Variants in ERC1 observed in about 807,000 individuals in gnomAD.
ERC1 encodes the protein ELKS/RAB6-interacting/CAST family member 1.
A neutral mutation model predicts 132.0 loss-of-function variants in ERC1; 56 were observed. The observed-to-expected ratio is 0.42, with a 90% CI of 0.34 to 0.53. The LOEUF is 0.53. Among genes scored for constraint, ERC1 ranks in the 20% least tolerant of loss-of-function variants. The pLI is 0.03. For missense variants in ERC1, 1,202 were observed against 1,349.9 expected (o/e 0.89, Z 1.72); for synonymous variants, 478 against 476.1 (o/e 1.00, Z -0.05).
chr12:1,407,354 T>C (rs2091564988), intron 16 of ERC1, among the ~76,000 whole-genome samples: 2 of 152,046 alleles, frequency 1.3e-5, no homozygotes, highest in South Asian at 4.1e-4. Flanking sequence ...TTGTAATAGT[T>C]GTTCAATTGA....
At chr12:1,138,198 T>C (rs1949511688) in intron 7 of ERC1, among the ~76,000 whole-genome samples, 4 of 112,290 alleles carry the variant, frequency 3.6e-5, no homozygotes, top group Non-Finnish European at 6.9e-5. Context: ...TATATAATTA[T>C]ATATGATATA....
At chr12:1,424,824 TAGATAGATAGATAGATAGATGATAGATA>T (rs1565410508) in intron 17 of ERC1, among the ~76,000 whole-genome samples, 1 of 140,090 alleles carries the variant, frequency 7.1e-6, no homozygotes, top group African/African-American at 2.8e-5. Context: ...GATAGATAGA[TAGATAGATAGATAGATAGATGATAGATA>T]GATAGATAGA....
rs917550538 is a variant in ERC1, at chr12:1,440,247, C to T, written c.3025-4315C>T. On this transcript the variant is annotated intron_variant, in intron 17 of 18. Coordinates refer to ENST00000360905, the MANE Select transcript of ERC1 (RefSeq NM_178040.4). ...TGAGACAGAGTCTTGCTCTGTCGCC[C>T]AGGCTGGAGTGCAGTGGTGCCATCT... Among the ~76,000 whole-genome samples, 18 of 144,734 alleles carry T rather than the reference C, an allele frequency of 1.2e-4. No individual in the cohort carries two copies. In the South Asian group the frequency reaches 2.2e-3, roughly 18 times the overall value. The allele number at this position is 144,734 out of a possible 152,430, so 95.0% of individuals were successfully genotyped here. A position where few individuals can be genotyped will look rare whatever the true frequency, so the allele number is the denominator to read the frequency against.
intron 15 of ERC1, among the ~76,000 whole-genome samples, chr12:1,319,584 AGT>A (rs1313896636): frequency 6.6e-6 from 1 of 152,242 alleles, no homozygotes. Context: ...ATAGCTGGTC[AGT>A]CCCATAAATT....
At position 1,212,022 on chromosome 12, in the gene ERC1, A is replaced by G. The variant is rs113076353; in HGVS notation, c.2351+21970A>G. On this transcript the variant is annotated intron_variant, in intron 12 of 18. Transcript: ENST00000360905. ...CAGTAGAGTAAGTTGATTCTTTCCT[A>G]CATTACTGCAAAAGCTATCTAATGC... 3.7e-3 allele frequency among the ~76,000 whole-genome samples: 566 copies of G among 152,292 alleles called. 1 individual carries two copies. Among genetic ancestry groups the G allele is most frequent in the African/African-American group, 0.013 (531 of 41,552 alleles).
At chr12:1,411,903 T>C (rs2091874321) in intron 17 of ERC1, among the ~76,000 whole-genome samples, 1 of 151,612 alleles carries the variant, frequency 6.6e-6, no homozygotes, top group Non-Finnish European at 1.5e-5. Context: ...GACTAGAAAG[T>C]AAGCAAATCA....
intron 7 of ERC1, among the ~76,000 whole-genome samples, chr12:1,128,720 TA>T (rs1189401363): frequency 1.3e-5 from 2 of 152,086 alleles, no homozygotes; most frequent in Non-Finnish European, 2.9e-5. Context: ...TTATAATTAA[TA>T]AATGCATAAA....
chr12:1,161,555 T>C (rs916911449), intron 8 of ERC1, among the ~76,000 whole-genome samples: 17 of 152,222 alleles, frequency 1.1e-4, no homozygotes, highest in Admixed American at 1.1e-3. Flanking sequence ...AAAATTACAG[T>C]GAATGTAGTC....
At chr12:1,043,315 T>C (rs1970577730) in intron 2 of ERC1, among the ~76,000 whole-genome samples, 1 of 152,216 alleles carries the variant, frequency 6.6e-6, no homozygotes, top group African/African-American at 2.4e-5. Context: ...AGTGCTGAGA[T>C]TACAGGCATG....
chr12:1,000,508 C>T (rs982326633), intron 1 of ERC1, among the ~76,000 whole-genome samples: 1 of 151,420 alleles, frequency 6.6e-6, no homozygotes, highest in Non-Finnish European at 1.5e-5. Context: ...AAAAATAACC[C>T]AATGGGATGA....
chr12:1,464,243 T>C (rs1202187946), intron 18 of ERC1, among the ~76,000 whole-genome samples: 2 of 152,168 alleles, frequency 1.3e-5, no homozygotes, highest in Non-Finnish European at 2.9e-5. Context: ...AGAGAAAATA[T>C]TAGGAGACCT....
rs1477365626 is a variant in ERC1 at position 1,400,953 on chromosome 12, T to TTTTTTTG, written c.2926-7196_2926-7195insTTTTTTG. On this transcript the variant is annotated intron_variant, in intron 16 of 18. Transcript: ENST00000360905. ...TTTTTTTTTTTTTTTTTTTTTTTTTTGTGACGGAGTCTTGCTCTATCGCCC... is the reference window on the plus strand; with the variant it reads ...TTTTTTTTTTTTTTTTTTTTTTTTTTTTTTTTGGTGACGGAGTCTTGCTCTATCGCCC... Among the ~76,000 whole-genome samples the TTTTTTTG allele has an allele frequency of 1.5e-4, 14 of 90,336 alleles. 1 individual carries two copies. Among genetic ancestry groups the TTTTTTTG allele is most frequent in the Admixed American group, 2.4e-4 (2 of 8,278 alleles). The allele number at this position is 90,336 out of a possible 152,430, so 59.3% of individuals were successfully genotyped here.
In ERC1 at chr12:1,303,178, C is replaced by T. The variant is rs1375266028; in HGVS notation, c.2780+13166C>T. On this transcript the variant is annotated intron_variant, in intron 15 of 18. Coordinates refer to ENST00000360905, the MANE Select transcript of ERC1 (RefSeq NM_178040.4). ...AGCAGAGTGGTGGTTGCTGAAGGTT[C>T]GGGTAGCTGTAGCAATTTCTTAAAA... 2.0e-5 allele frequency among the ~76,000 whole-genome samples: 3 copies of T among 152,208 alleles called. No homozygotes were observed. The East Asian group carries it at 5.8e-4, about 29-fold the overall frequency.
chr12:1,007,486 CTCTCTCTT>C (rs1472129942), intron 1 of ERC1, among the ~76,000 whole-genome samples: 2 of 136,332 alleles, frequency 1.5e-5, no homozygotes, highest in African/African-American at 3.2e-5. Context: ...CTCTCTCTCT[CTCTCTCTT>C]TCTCTCTCTC....
intron 17 of ERC1, among the ~76,000 whole-genome samples, chr12:1,442,885 T>C (rs1268519631): frequency 6.6e-6 from 1 of 152,166 alleles, no homozygotes; most frequent in Admixed American, 6.5e-5. Flanking sequence ...ATTTCCAAAA[T>C]GTTACAAATG....
chr12:1,228,243 TAAC>T (rs979146296), intron 12 of ERC1, among the ~76,000 whole-genome samples: 1 of 152,248 alleles, frequency 6.6e-6, no homozygotes, highest in African/African-American at 2.4e-5. Flanking sequence ...ATGGACATTT[TAAC>T]AACATTAATT....
At chr12:1,192,933 T>C (rs374647770) in intron 12 of ERC1, among the ~76,000 whole-genome samples, 1 of 152,212 alleles carries the variant, frequency 6.6e-6, no homozygotes, top group South Asian at 2.1e-4. Context: ...TTTTACTCTT[T>C]AAATAGTTCC....
chr12:996,857 C>T (rs531816938), intron 1 of ERC1, among the ~76,000 whole-genome samples: 12 of 152,094 alleles, frequency 7.9e-5, no homozygotes, highest in Non-Finnish European at 1.5e-4. Flanking sequence ...TAGGACATTA[C>T]CTATTCTAAA....
chr12:1,066,997 G>A (rs1023275041), intron 2 of ERC1, among the ~76,000 whole-genome samples: 1 of 151,920 alleles, frequency 6.6e-6, no homozygotes, highest in Non-Finnish European at 1.5e-5. Context: ...TTATAGAGAC[G>A]GGGTTTTGCC....
Sources: allele counts gnomAD v4.1 joint callset (sites outside exome capture counted in the v4.1 genomes callset), GRCh38; gene constraint gnomAD v4.1.1; transcripts MANE v1.5; gene names NCBI Gene and HGNC (gene_info 2026-07-23, HGNC 2026-07-21).